LRP1B: variants seen among roughly 807,000 people sequenced by gnomAD.
LRP1B encodes low-density lipoprotein receptor-related protein 1B.
Under a neutral mutation model 556.6 loss-of-function variants are expected in LRP1B, and 217 were observed. The observed-to-expected ratio is 0.39, with a 90% CI of 0.35 to 0.44. The LOEUF (loss-of-function observed/expected upper bound fraction) is 0.44. Ranked by LOEUF, LRP1B falls within the 20% of genes least tolerant of loss-of-function variation. The pLI is 1.00. For synonymous variants in LRP1B, 2,047 were observed against 1,865.8 expected (o/e 1.10, Z -2.50); for missense variants, 5,053 against 5,620.8 (o/e 0.90, Z 3.23).
At chr2:140,467,828 C>G (rs779386290) in intron 60 of LRP1B, among the ~76,000 whole-genome samples, 2 of 152,052 alleles carry the variant, frequency 1.3e-5, no homozygotes, top group Non-Finnish European at 2.9e-5. Flanking sequence ...AGGTACTTGG[C>G]TTTGTTGCAC....
chr2:141,526,650 T>C (rs1349710085), intron 2 of LRP1B, among the ~76,000 whole-genome samples: 1 of 152,026 alleles, frequency 6.6e-6, no homozygotes, highest in Non-Finnish European at 1.5e-5. Flanking sequence ...AATGTTTTAA[T>C]TGTAATGTAG....
intron 3 of LRP1B, among the ~76,000 whole-genome samples, chr2:141,266,185 G>A (rs1679207101): frequency 6.6e-6 from 1 of 152,046 alleles, no homozygotes; most frequent in South Asian, 2.1e-4. Flanking sequence ...TTTGCCGGGG[G>A]TGATGGCAGG....
rs569005207 is a variant in LRP1B, at chr2:141,704,741, C to A, written c.205+105538G>T. Among the ~76,000 whole-genome samples, 3 of 152,080 alleles carry A rather than the reference C, an allele frequency of 2.0e-5. No homozygotes were observed. In the East Asian group the frequency reaches 5.8e-4, roughly 29 times the overall value. ...GTGTCCTGGCAGTAGTCTCTTCTAA[C>A]CACATGCTTTCTCTCCAAGGATCCG... On this transcript the variant is annotated intron_variant, in intron 2 of 90. Coordinates refer to ENST00000389484, the MANE Select transcript of LRP1B (RefSeq NM_018557.3).
At chr2:141,625,006 G>T (rs1399425620) in intron 2 of LRP1B, among the ~76,000 whole-genome samples, 1 of 151,990 alleles carries the variant, frequency 6.6e-6, no homozygotes, top group Non-Finnish European at 1.5e-5. Flanking sequence ...CTGACCTCGT[G>T]ATCCGCCCGC....
At chr2:140,429,495 C>G (rs915209434) in intron 66 of LRP1B, among the ~76,000 whole-genome samples, 4 of 152,164 alleles carry the variant, frequency 2.6e-5, no homozygotes, top group African/African-American at 9.7e-5. Context: ...CTGGGCTGTA[C>G]TGCCACAAGG....
intron 2 of LRP1B, among the ~76,000 whole-genome samples, chr2:141,512,623 G>A (rs1212343958): frequency 6.6e-6 from 1 of 152,138 alleles, no homozygotes. Flanking sequence ...TATATTTCAT[G>A]TGAACTCCTG....
chr2:141,818,712 AT>A (rs1428395686), intron 1 of LRP1B, among the ~76,000 whole-genome samples: 5 of 150,248 alleles, frequency 3.3e-5, no homozygotes, highest in Non-Finnish European at 1.5e-5. Context: ...AATTTTTTGT[AT>A]TTTTAGTAGA....
chr2:140,716,876 G>T (rs1197044916), intron 35 of LRP1B, 60 bp from the exon 36 acceptor site: 1 of 1,020,074 alleles, frequency 9.8e-7, no homozygotes, highest in Non-Finnish European at 1.4e-6. Flanking sequence ...TATCAATATC[G>T]GTGTTAGGAT....
intron 3 of LRP1B, among the ~76,000 whole-genome samples, chr2:141,306,580 C>A (rs563877865): frequency 2.6e-5 from 4 of 152,118 alleles, no homozygotes; most frequent in East Asian, 3.9e-4. Context: ...AAATAACTAA[C>A]CTTTCACTTT....
At chr2:141,005,285 CT>C (rs1436485259) in intron 15 of LRP1B, 49 bp downstream of exon 15, 4 of 1,590,428 alleles carry the variant, frequency 2.5e-6, no homozygotes, top group Non-Finnish European at 3.4e-6. Context: ...TGCTTCTAGT[CT>C]TCAGAAAGAG....
intron 84 of LRP1B, among the ~76,000 whole-genome samples, chr2:140,275,068 T>A (rs1682614244): frequency 6.6e-6 from 1 of 151,986 alleles, no homozygotes; most frequent in South Asian, 2.1e-4. Context: ...CACTGGAGGC[T>A]ATATGAGTAA....
chr2:140,395,916 TTTATGG>T (rs561666377), intron 66 of LRP1B, among the ~76,000 whole-genome samples: 260 of 152,292 alleles, frequency 1.7e-3, no homozygotes, highest in Non-Finnish European at 3.0e-3. Flanking sequence ...GTGTTGTAAC[TTTATGG>T]TTATGAAGTG....
At chr2:141,213,181 G>A (rs1295282308) in intron 6 of LRP1B, among the ~76,000 whole-genome samples, 1 of 151,070 alleles carries the variant, frequency 6.6e-6, no homozygotes, top group East Asian at 1.9e-4. Context: ...TGAACCCCCA[G>A]GCTGATGTGA....
chr2:140,711,499 C>G (rs1448329682), intron 37 of LRP1B, among the ~76,000 whole-genome samples: 1 of 151,996 alleles, frequency 6.6e-6, no homozygotes, highest in East Asian at 1.9e-4. Context: ...CAAAGTTAAC[C>G]CATTATAACT....
chr2:141,861,711 C>A (rs778281552), intron 1 of LRP1B, among the ~76,000 whole-genome samples: 6 of 152,130 alleles, frequency 3.9e-5, no homozygotes, highest in Non-Finnish European at 7.4e-5. Context: ...GGGTGGATGA[C>A]CTGAGGTCAG....
intron 81 of LRP1B, 67 bp from the exon 82 acceptor site, chr2:140,322,155 TTAAA>T (rs1324434066): frequency 3.6e-5 from 52 of 1,441,892 alleles, no homozygotes; most frequent in Non-Finnish European, 4.6e-5. Flanking sequence ...AAGCATAAAA[TTAAA>T]TAAGGCGAAA....
intron 27 of LRP1B, among the ~76,000 whole-genome samples, chr2:140,862,072 A>G (rs1039481544): frequency 6.6e-6 from 1 of 152,196 alleles, no homozygotes; most frequent in Non-Finnish European, 1.5e-5. Flanking sequence ...CTACAATTGA[A>G]TAACTATGAA....
chr2:141,152,495 A>T (rs932542876), intron 7 of LRP1B, among the ~76,000 whole-genome samples: 3 of 151,950 alleles, frequency 2.0e-5, no homozygotes, highest in African/African-American at 7.2e-5. Context: ...TGAGGAATGT[A>T]AACATGCCAG....
chr2:141,157,479 T>G (rs371540001), intron 7 of LRP1B, among the ~76,000 whole-genome samples: 1 of 152,124 alleles, frequency 6.6e-6, no homozygotes, highest in East Asian at 1.9e-4. Flanking sequence ...CAAAGTCACA[T>G]GCATAGTATC....
Sources: gnomAD v4.1 joint callset for allele counts (sites outside exome capture counted in the v4.1 genomes callset) on GRCh38, gnomAD v4.1.1 for gene constraint, MANE v1.5 for transcripts, NCBI Gene and HGNC (gene_info 2026-07-23, HGNC 2026-07-21) for gene names.